Variants in AKAP19 observed in about 807,000 individuals in gnomAD.
AKAP19 encodes small A-kinase anchoring protein.
chr2:189,894,267 G>T, the AKAP19 span, among the ~76,000 whole-genome samples: 2 of 151,878 alleles, frequency 1.3e-5, no homozygotes, highest in African/African-American at 4.8e-5. Context: ...GCAGCTTAAG[G>T]GTAGATTAAA....
At chr2:190,006,021 T>TGCA in the AKAP19 span, among the ~76,000 whole-genome samples, 1 of 152,188 alleles carries the variant, frequency 6.6e-6, no homozygotes, top group East Asian at 1.9e-4. Flanking sequence ...TCTATTATTA[T>TGCA]CCAGTGGAGG....
the AKAP19 span, among the ~76,000 whole-genome samples, chr2:190,098,061 A>G: frequency 6.6e-6 from 1 of 152,058 alleles, no homozygotes; most frequent in Non-Finnish European, 1.5e-5. Context: ...GAAGGTTTGA[A>G]TCAACCTCTT....
At chr2:189,987,482 C>G in the AKAP19 span, among the ~76,000 whole-genome samples, 2 of 152,320 alleles carry the variant, frequency 1.3e-5, no homozygotes, top group South Asian at 4.1e-4. Context: ...AGGCCATGAT[C>G]TTTCAGTCCT....
the AKAP19 span, among the ~76,000 whole-genome samples, chr2:190,198,979 A>G: frequency 1.3e-5 from 2 of 152,216 alleles, no homozygotes; most frequent in Non-Finnish European, 2.9e-5. Flanking sequence ...GCTTCTGTAC[A>G]ATTTCACAGG....
At chr2:190,043,225 T>C in the AKAP19 span, among the ~76,000 whole-genome samples, 2 of 152,188 alleles carry the variant, frequency 1.3e-5, no homozygotes, top group Admixed American at 1.3e-4. Context: ...TTTTCTGAAT[T>C]TGATCGTTGG....
chr2:189,894,646 T>A, the AKAP19 span, among the ~76,000 whole-genome samples: 12 of 151,360 alleles, frequency 7.9e-5, no homozygotes, highest in Non-Finnish European at 1.8e-4. Context: ...TCCTCTTAAA[T>A]ATTATTATAT....
chr2:190,201,771 A>G, the AKAP19 span: 1 of 167,070 alleles, frequency 6.0e-6, no homozygotes, highest in African/African-American at 2.4e-5. Context: ...TTTATATAAT[A>G]GAAAAACAAC....
At chr2:190,172,351 T>C in the AKAP19 span, among the ~76,000 whole-genome samples, 63,322 of 152,120 alleles carry the variant, frequency 0.42, 15,511 homozygotes, top group East Asian at 0.81. Flanking sequence ...ATCTTATCTC[T>C]GTGGCTGGCT....
chr2:190,090,926 T>C, the AKAP19 span: 1 of 152,212 alleles, frequency 6.6e-6, no homozygotes, highest in Non-Finnish European at 1.5e-5. Flanking sequence ...TCTAGCTTAT[T>C]ACAGACATAC....
the AKAP19 span, chr2:190,150,163 G>A: frequency 2.6e-5 from 4 of 152,288 alleles, no homozygotes; most frequent in South Asian, 8.3e-4. Context: ...CAAAAGAAAA[G>A]AGCTTGGCTC....
chr2:190,039,824 C>T, the AKAP19 span, among the ~76,000 whole-genome samples: 28 of 152,252 alleles, frequency 1.8e-4, 2 homozygotes, highest in South Asian at 4.6e-3. Context: ...CCTCCAGCTC[C>T]ATCCATGTTC....
the AKAP19 span, among the ~76,000 whole-genome samples, chr2:189,985,376 G>C: frequency 6.6e-6 from 1 of 152,108 alleles, no homozygotes; most frequent in Non-Finnish European, 1.5e-5. Context: ...TTCAACTTAT[G>C]ATGGGTTTAT....
chr2:190,105,275 A>G, the AKAP19 span, among the ~76,000 whole-genome samples: 1 of 152,208 alleles, frequency 6.6e-6, no homozygotes, highest in Non-Finnish European at 1.5e-5. Flanking sequence ...TGTGATATAT[A>G]TATCTCAAAT....
chr2:189,904,723 T>C, the AKAP19 span, among the ~76,000 whole-genome samples: 1 of 152,010 alleles, frequency 6.6e-6, no homozygotes, highest in Non-Finnish European at 1.5e-5. Context: ...AGAGAAAATA[T>C]GGCACAAAAG....
At chr2:190,136,414 C>CA in the AKAP19 span, among the ~76,000 whole-genome samples, 1 of 152,132 alleles carries the variant, frequency 6.6e-6, no homozygotes, top group Non-Finnish European at 1.5e-5. Flanking sequence ...TCAGCATAGA[C>CA]AAAATGCCAA....
At chr2:189,969,811 C>T in the AKAP19 span, among the ~76,000 whole-genome samples, 4 of 142,076 alleles carry the variant, frequency 2.8e-5, no homozygotes, top group Non-Finnish European at 4.6e-5. Context: ...ATTATAGGTC[C>T]TTCCTTCCTC....
the AKAP19 span, among the ~76,000 whole-genome samples, chr2:189,964,093 A>T: frequency 2.6e-5 from 4 of 152,360 alleles, no homozygotes; most frequent in African/African-American, 9.6e-5. Context: ...CTTGAAAGTC[A>T]GAATTCCTTC....
the AKAP19 span, chr2:190,062,126 A>G: frequency 7.5e-7 from 1 of 1,329,078 alleles, no homozygotes; most frequent in Non-Finnish European, 1.0e-6. Flanking sequence ...ATACAGGCCA[A>G]CAGCTTGTTT....
the AKAP19 span, among the ~76,000 whole-genome samples, chr2:190,042,637 G>C: frequency 1.3e-5 from 2 of 152,124 alleles, no homozygotes. Context: ...CTTACTTTTT[G>C]ATGTGGGCTT....
Sources: allele counts gnomAD v4.1 joint callset (sites outside exome capture counted in the v4.1 genomes callset), GRCh38; gene constraint gnomAD v4.1.1; transcripts MANE v1.5; gene names NCBI Gene and HGNC (gene_info 2026-07-23, HGNC 2026-07-21).